Variants in FTSJ1 observed in about 807,000 individuals in gnomAD.
The protein encoded by FTSJ1 is tRNA (cytidine(32)/guanosine(34)-2'-O)-methyltransferase.
Under a neutral mutation model 28.5 loss-of-function variants are expected in FTSJ1, and 3 were observed. The ratio of observed to expected loss-of-function variants is 0.11; its 90% CI spans 0.05 to 0.27. The LOEUF (loss-of-function observed/expected upper bound fraction) is 0.27, where lower values mean the gene tolerates loss of function less well. Among genes scored for constraint, FTSJ1 ranks in the 10% least tolerant of loss-of-function variants. The pLI, the probability that FTSJ1 is intolerant of heterozygous loss-of-function variation, is 1.00. For missense variants in FTSJ1, 162 were observed against 279.0 expected, an observed-to-expected ratio of 0.58 and a Z score of 2.99; for synonymous variants, 104 against 113.9, an observed-to-expected ratio of 0.91 and a Z score of 0.55.
Position 48,479,136 on chromosome X carries a change from G to C in FTSJ1, c.361+20G>C. On this transcript the variant is annotated intron_variant, in intron 5 of 12. Coordinates refer to ENST00000348411, the MANE Select transcript of FTSJ1 (RefSeq NM_012280.4). ...CTGATGGTAAATAGCAACAGAAAGTGGGAGGCCAGGCGGGGCCCCCTGTGT... is the reference window on the plus strand; with the variant it reads ...CTGATGGTAAATAGCAACAGAAAGTCGGAGGCCAGGCGGGGCCCCCTGTGT... 1 of 1,135,718 alleles carries C rather than the reference G, an allele frequency of 8.8e-7. No individual in the cohort carries two copies. Among genetic ancestry groups the C allele is most frequent in the Non-Finnish European group, 1.2e-6 (1 of 825,827 alleles). The allele number at this position is 1,135,718 out of a possible 1,213,427, so 93.6% of individuals were successfully genotyped here. A position where few individuals can be genotyped will look rare whatever the true frequency, so the allele number is the denominator to read the frequency against.
At chrX:48,481,028 A>G in intron 5 of FTSJ1, 123 bp from the exon 6 acceptor site, 2 of 619,658 alleles carry the variant, frequency 3.2e-6, no homozygotes, top group East Asian at 6.9e-5. Flanking sequence ...GCAGACAGTA[A>G]TTTGCATCTG....
In FTSJ1 at chrX:48,483,983, A is replaced by G. The variant is rs190754669; in HGVS notation, c.*9+956A>G. Among the ~76,000 whole-genome samples, 42 of 111,523 alleles carry G rather than the reference A, an allele frequency of 3.8e-4. 1 individual carries two copies. In the East Asian group the frequency reaches 0.012, roughly 31 times the overall value. On this transcript the variant is annotated intron_variant, in intron 12 of 12. Coordinates refer to ENST00000348411, the MANE Select transcript of FTSJ1 (RefSeq NM_012280.4). ...GGGAGGAAAGTTTATCCATAGCCAAATGTTCTAAAACCACGATGTTAGAGG... is the reference window on the plus strand; with the variant it reads ...GGGAGGAAAGTTTATCCATAGCCAAGTGTTCTAAAACCACGATGTTAGAGG...
At chrX:48,485,714 AC>A (rs1254221669) in intron 12 of FTSJ1, 21 bp from the exon 13 acceptor site, 2 of 112,046 alleles carry the variant, frequency 1.8e-5, no homozygotes, top group African/African-American at 6.5e-5. Flanking sequence ...AAACAAAAAA[AC>A]TTTCTTTGAC....
Position 48,485,966 on chromosome X carries a change from G to A in FTSJ1, c.*240G>A, listed in dbSNP as rs967509070. On this transcript the variant is annotated 3_prime_UTR_variant, in exon 13 of 13. Transcript: ENST00000348411. ...CTCTTCTTTAAACCTCTTCAGGAGT[G>A]TCCTGATTATGTCCAGAATTTTCCC... is the stretch of plus-strand genomic sequence containing the variant. The A allele has an allele frequency of 8.9e-6, 1 of 112,364 alleles. No individual in the cohort carries two copies. Among genetic ancestry groups the A allele is most frequent in the Non-Finnish European group, 1.9e-5 (1 of 53,318 alleles). 9.3% of individuals were successfully genotyped at this position (112,364 alleles called of 1,213,427 possible). A position where few individuals can be genotyped will look rare whatever the true frequency, so the allele number is the denominator to read the frequency against.
intron 5 of FTSJ1, 140 bp from the exon 6 acceptor site, chrX:48,481,010 TC>T (rs2061564974): frequency 3.6e-6 from 2 of 552,407 alleles, no homozygotes; most frequent in African/African-American, 2.3e-5. Context: ...AGAATATGCA[TC>T]CAGTTGGCAG....
Position 48,486,325 on chromosome X carries a change from A to G in FTSJ1, c.*599A>G, listed in dbSNP as rs2061602542. On this transcript the variant is annotated 3_prime_UTR_variant, in exon 13 of 13. Coordinates refer to ENST00000348411, the MANE Select transcript of FTSJ1 (RefSeq NM_012280.4). ...TCTCAATTTTGTTTCAATTTAATAT[A>G]TAGTAATAATTGTAATTCAATGTAA... is the stretch of plus-strand genomic sequence containing the variant. 8.9e-6 allele frequency: 1 copy of G among 112,176 alleles called. No individual in the cohort carries two copies. The highest frequency in any genetic ancestry group is 1.9e-5 in the Non-Finnish European group (1 of 53,282). The allele number at this position is 112,176 out of a possible 1,213,427, so 9.2% of individuals were successfully genotyped here.
At chrX:48,481,087 G>C (rs1452962368) in intron 5 of FTSJ1, 64 bp from the exon 6 acceptor site, 1 of 954,562 alleles carries the variant, frequency 1.0e-6, no homozygotes, top group Non-Finnish European at 1.5e-6. Flanking sequence ...TGTCTGATCT[G>C]TGTGGTACAA....
chrX:48,478,760 TG>T (rs1312173859), intron 4 of FTSJ1, 53 bp downstream of exon 4: 1 of 845,204 alleles, frequency 1.2e-6, no homozygotes, highest in Non-Finnish European at 1.7e-6. Context: ...GGCCCTTACC[TG>T]GGGTCTATGC....
intron 6 of FTSJ1, 28 bp downstream of exon 6, chrX:48,481,231 A>G (rs1556968399): frequency 1.7e-6 from 2 of 1,204,411 alleles, no homozygotes; most frequent in Admixed American, 4.4e-5. Context: ...CCCCTGACCC[A>G]CTTTGGCCCC....
rs782126900 is a variant in FTSJ1, at chrX:48,482,468, C to G, written c.721C>G (p.Leu241Val). The G allele has an allele frequency of 1.7e-6, 2 of 1,207,146 alleles. No homozygotes were observed. Among genetic ancestry groups the G allele is most frequent in the Non-Finnish European group, 2.2e-6 (2 of 891,569 alleles). Reference sequence around the variant, plus strand: ...TGTGCCTTTTGTGACCTGTGGGGACCTGAGCTCCTATGATTCGGACCGCAG... The same window carrying G: ...TGTGCCTTTTGTGACCTGTGGGGACGTGAGCTCCTATGATTCGGACCGCAG... ...IIVPFVTCGD[L>V]SSYDSDRSYP... The change falls in exon 10 of 13, where the codon CTG becomes GTG. Residue 241 changes from leucine (L) to valine (V), a missense_variant. Coordinates refer to ENST00000348411, the MANE Select transcript of FTSJ1 (RefSeq NM_012280.4).
At chrX:48,481,098 G>C in intron 5 of FTSJ1, 53 bp from the exon 6 acceptor site, 1 of 1,034,370 alleles carries the variant, frequency 9.7e-7, no homozygotes, top group Non-Finnish European at 1.4e-6. Context: ...TGTGGTACAA[G>C]AAGATGCACA....
At chrX:48,477,135 A>C (rs1556966533) in intron 1 of FTSJ1, among the ~76,000 whole-genome samples, 1 of 111,032 alleles carries the variant, frequency 9.0e-6, no homozygotes, top group Admixed American at 9.6e-5. Flanking sequence ...GGGGGGGTTA[A>C]CTTCTGTTGA....
intron 4 of FTSJ1, 28 bp from the exon 5 acceptor site, chrX:48,479,010 G>A: frequency 9.0e-7 from 1 of 1,109,236 alleles, no homozygotes; most frequent in Non-Finnish European, 1.2e-6. Context: ...GAGGGCCGTG[G>A]GGCCACTCAT....
intron 1 of FTSJ1, 69 bp from the exon 2 acceptor site, chrX:48,477,892 C>A: frequency 1.2e-6 from 1 of 814,393 alleles, no homozygotes; most frequent in African/African-American, 2.0e-5. Context: ...GTCAGCCCAT[C>A]TTCTGTGTGA....
At chrX:48,479,942 G>A (rs1336590486) in intron 5 of FTSJ1, among the ~76,000 whole-genome samples, 2 of 111,699 alleles carry the variant, frequency 1.8e-5, no homozygotes, top group Non-Finnish European at 3.8e-5. Context: ...TCAGGAGTTC[G>A]AGACCAGCCT....
At position 48,482,763 on chromosome X, in the gene FTSJ1, C is replaced by A. The variant is rs1556969103; in HGVS notation, c.926C>A (p.Ala309Asp). Residue 309 changes from alanine to aspartate, a missense_variant, in exon 11 of 13, where the codon GCC (alanine) becomes GAC (aspartate). By Grantham distance (126) the Ala-to-Asp change is moderately radical (BLOSUM62 -2). Transcript: ENST00000348411. ...GACACGTTTCCCCAGCCCCTGGCCG[C>A]CCCTCAGTGCCACACCCTGCTGGCC... ...RVDTFPQPLA[A>D]PQCHTLLAPE... The A allele has an allele frequency of 1.7e-6, 2 of 1,208,432 alleles. No homozygotes were observed. Among genetic ancestry groups the A allele is most frequent in the Admixed American group, 4.4e-5 (2 of 45,868 alleles).
chrX:48,478,159 C>A lies in FTSJ1; in HGVS notation c.112C>A (p.Leu38Ile). The change falls in exon 2 of 13, where the codon CTC becomes ATC. Residue 38 changes from leucine to isoleucine, a missense_variant. By Grantham distance (5) the Leu-to-Ile change is conservative. Transcript: ENST00000348411. ...KLLQLDKEFQ[L>I]FQGVTRAVDL... ...GCTACAACTGGATAAGGAATTCCAA[C>A]TCTTCCAAGGTCCCTGACTGGTGGG... 1 of 1,208,115 alleles carries A rather than the reference C, an allele frequency of 8.3e-7. No individual in the cohort carries two copies. The highest frequency in any genetic ancestry group is 2.2e-5 in the Admixed American group (1 of 45,695).
intron 1 of FTSJ1, among the ~76,000 whole-genome samples, chrX:48,477,442 A>G (rs898940455): frequency 1.8e-5 from 2 of 111,600 alleles, no homozygotes; most frequent in East Asian, 5.6e-4. Context: ...AAAGGGGCCT[A>G]ATCATCTAAG....
chrX:48,482,330 A>G (rs1394257814), intron 9 of FTSJ1, 73 bp from the exon 10 acceptor site: 1 of 665,088 alleles, frequency 1.5e-6, no homozygotes, highest in Non-Finnish European at 2.4e-6. Context: ...TTTGGCAGCC[A>G]TACCGCCGCC....
Sources: allele counts gnomAD v4.1 joint callset (sites outside exome capture counted in the v4.1 genomes callset), GRCh38; gene constraint gnomAD v4.1.1; transcripts MANE v1.5; gene names NCBI Gene and HGNC (gene_info 2026-07-23, HGNC 2026-07-21).